Variants in PRKCB observed in about 807,000 individuals in gnomAD.
PRKCB encodes the protein protein kinase C beta.
In PRKCB, 13 loss-of-function variants were observed where a neutral mutation model predicts 81.5. That is an observed-to-expected ratio of 0.16 (90% CI 0.10 to 0.25). The LOEUF (loss-of-function observed/expected upper bound fraction) is 0.25, where lower values mean the gene tolerates loss of function less well. PRKCB is among the 10% of genes least tolerant of loss of function. PRKCB has a pLI of 1.00. For missense variants in PRKCB, 509 were observed against 875.7 expected (o/e 0.58, Z 5.29); for synonymous variants, 335 against 321.4 (o/e 1.04, Z -0.45).
At chr16:23,837,596 G>A (rs535175563) in intron 2 of PRKCB, among the ~76,000 whole-genome samples, 190 bp downstream of exon 2, 6 of 152,280 alleles carry the variant, frequency 3.9e-5, no homozygotes, top group African/African-American at 1.2e-4. Flanking sequence ...GATGGCGCTT[G>A]GGAGTCTTAC....
At chr16:23,849,354 G>C (rs1962433030) in intron 2 of PRKCB, among the ~76,000 whole-genome samples, 1 of 152,186 alleles carries the variant, frequency 6.6e-6, no homozygotes, top group Non-Finnish European at 1.5e-5. Flanking sequence ...CTGAAGGACG[G>C]TCGCTTGTCT....
intron 2 of PRKCB, among the ~76,000 whole-genome samples, chr16:23,981,386 A>G (rs761491860): frequency 6.6e-6 from 1 of 152,040 alleles, no homozygotes; most frequent in African/African-American, 2.4e-5. Context: ...ATAATCTAGT[A>G]TAACCCCCTT....
intron 2 of PRKCB, among the ~76,000 whole-genome samples, chr16:23,858,695 G>T (rs1014309669): frequency 6.6e-6 from 1 of 152,128 alleles, no homozygotes; most frequent in Non-Finnish European, 1.5e-5. Flanking sequence ...AAGTTACCAG[G>T]CTGGGAGGAC....
chr16:24,174,614 A>G, intron 12 of PRKCB, 34 bp downstream of exon 12: 8 of 1,564,188 alleles, frequency 5.1e-6, no homozygotes, highest in East Asian at 4.5e-5. Context: ...CCATCTCTTC[A>G]TCTCCCTCAG....
Position 24,217,011 on chromosome 16 carries a change from A to C in PRKCB, c.*2195A>C. The C allele has an allele frequency of 1.0e-6, 1 of 985,368 alleles. No individual in the cohort carries two copies. The highest frequency in any genetic ancestry group is 1.2e-6 in the Non-Finnish European group (1 of 829,924). 61.0% of individuals were successfully genotyped at this position (985,368 alleles called of 1,614,324 possible). ...CTTGGACATGCTCTCAGGAAGATAA[A>C]AACCATGGAGAAACACTAGGCCATT... is the stretch of plus-strand genomic sequence containing the variant. On this transcript the variant is annotated 3_prime_UTR_variant, in exon 17 of 17. Transcript: ENST00000643927.
chr16:24,202,183 A>T (rs1967969260), intron 16 of PRKCB, among the ~76,000 whole-genome samples: 1 of 152,134 alleles, frequency 6.6e-6, no homozygotes, highest in South Asian at 2.1e-4. Context: ...TGTCTTTTTC[A>T]TGTTAAAAAT....
chr16:23,983,957 T>G (rs1488288475), intron 2 of PRKCB, among the ~76,000 whole-genome samples: 2 of 152,130 alleles, frequency 1.3e-5, no homozygotes, highest in Non-Finnish European at 2.9e-5. Flanking sequence ...AGCACCTACT[T>G]GAAAATGGGG....
chr16:24,003,975 A>G (rs1014754291), intron 3 of PRKCB, among the ~76,000 whole-genome samples: 1 of 152,228 alleles, frequency 6.6e-6, no homozygotes, highest in Non-Finnish European at 1.5e-5. Context: ...AACATATCCC[A>G]AATAAAATAG....
At chr16:24,014,225 G>A (rs542780043) in intron 3 of PRKCB, among the ~76,000 whole-genome samples, 2 of 152,270 alleles carry the variant, frequency 1.3e-5, no homozygotes, top group South Asian at 2.1e-4. Flanking sequence ...GCAAAAAGGG[G>A]TGCTCAGACC....
intron 16 of PRKCB, among the ~76,000 whole-genome samples, chr16:24,195,825 C>T (rs1967869550): frequency 6.6e-6 from 1 of 152,142 alleles, no homozygotes; most frequent in Non-Finnish European, 1.5e-5. Context: ...CTGTCCTCTT[C>T]CTAGCTTTAG....
chr16:23,886,499 G>A (rs1345859850), intron 2 of PRKCB, among the ~76,000 whole-genome samples: 2 of 131,086 alleles, frequency 1.5e-5, no homozygotes, highest in African/African-American at 2.9e-5. Context: ...TGCAACCTCC[G>A]CCTCCTGGGT....
At chr16:24,019,057 A>T (rs189704222) in intron 3 of PRKCB, among the ~76,000 whole-genome samples, 2 of 152,134 alleles carry the variant, frequency 1.3e-5, no homozygotes, top group African/African-American at 4.8e-5. Context: ...ATAAACCCTA[A>T]AATATTCTAC....
intron 4 of PRKCB, among the ~76,000 whole-genome samples, chr16:24,034,126 C>A (rs556653466): frequency 1.4e-4 from 22 of 152,316 alleles, no homozygotes; most frequent in African/African-American, 5.1e-4. Context: ...CTTCTGCCTG[C>A]AGGACACCAG....
chr16:24,083,225 G>A (rs1966271396), intron 5 of PRKCB, among the ~76,000 whole-genome samples: 1 of 152,186 alleles, frequency 6.6e-6, no homozygotes, highest in African/African-American at 2.4e-5. Flanking sequence ...CAGAACAAGA[G>A]GAACTCTCAT....
Position 24,215,873 on chromosome 16 carries a change from C to T in PRKCB, c.*1057C>T, listed in dbSNP as rs939197886. The T allele has an allele frequency of 1.2e-5, 12 of 984,222 alleles. No individual in the cohort carries two copies. The highest frequency in any genetic ancestry group is 1.3e-5 in the Non-Finnish European group (11 of 829,758). The allele number at this position is 984,222 out of a possible 1,614,324, so 61.0% of individuals were successfully genotyped here. A position where few individuals can be genotyped will look rare whatever the true frequency, so the allele number is the denominator to read the frequency against. On this transcript the variant is annotated 3_prime_UTR_variant, in exon 17 of 17. Transcript: ENST00000643927. The stretch of plus-strand genomic sequence containing the variant: ...CTGAAAAAGACACCGTTTCTTGAAA[C>T]AAAGATGGTTGTATTCCTCACTTTG...
At chr16:23,996,940 T>C (rs774325016) in intron 3 of PRKCB, among the ~76,000 whole-genome samples, 18 of 152,138 alleles carry the variant, frequency 1.2e-4, no homozygotes, top group Non-Finnish European at 1.6e-4. Context: ...TAGCCAGAAA[T>C]TTATGGATCT....
intron 2 of PRKCB, among the ~76,000 whole-genome samples, chr16:23,975,564 T>G (rs1169574214): frequency 1.3e-5 from 2 of 152,170 alleles, no homozygotes; most frequent in Non-Finnish European, 2.9e-5. Context: ...CTGACTCTCT[T>G]TGGGTGACCT....
At chr16:23,964,628 A>G (rs564115318) in intron 2 of PRKCB, among the ~76,000 whole-genome samples, 4 of 151,508 alleles carry the variant, frequency 2.6e-5, no homozygotes, top group Non-Finnish European at 5.9e-5. Context: ...GAAAACTGGG[A>G]CTGGAATTCT....
chr16:23,976,579 A>G (rs768400869), intron 2 of PRKCB, among the ~76,000 whole-genome samples: 11 of 152,166 alleles, frequency 7.2e-5, no homozygotes, highest in Non-Finnish European at 1.6e-4. Flanking sequence ...CAGGAGAAGC[A>G]TGGAGGATGG....
Sources: gnomAD v4.1 joint callset for allele counts (sites outside exome capture counted in the v4.1 genomes callset) on GRCh38, gnomAD v4.1.1 for gene constraint, MANE v1.5 for transcripts, NCBI Gene and HGNC (gene_info 2026-07-23, HGNC 2026-07-21) for gene names.